The following LOC128462377 variants were observed in gnomAD, a reference collection of about 807,000 sequenced individuals.
At chr16:89,415,414 GC>G in the LOC128462377 span, among the ~76,000 whole-genome samples, 2 of 150,932 alleles carry the variant, frequency 1.3e-5, no homozygotes, top group Non-Finnish European at 2.9e-5. Flanking sequence ...ACAGGCGCCT[GC>G]CACCATGCCC....
the LOC128462377 span, chr16:89,322,953 C>A: frequency 4.0e-6 from 1 of 252,726 alleles, no homozygotes; most frequent in Non-Finnish European, 7.9e-6. Context: ...AAGCTATCCG[C>A]TCACTTGAGC....
the LOC128462377 span, among the ~76,000 whole-genome samples, chr16:89,413,343 G>A: frequency 6.6e-6 from 1 of 152,098 alleles, no homozygotes; most frequent in Non-Finnish European, 1.5e-5. Context: ...AAATGGAAGT[G>A]GACTGGGCGC....
chr16:89,390,277 C>T, the LOC128462377 span, among the ~76,000 whole-genome samples: 2 of 113,392 alleles, frequency 1.8e-5, no homozygotes, highest in African/African-American at 6.3e-5. Flanking sequence ...CGGGGAGCAC[C>T]GAGAGAGAAG....
chr16:89,334,421 G>T, the LOC128462377 span, among the ~76,000 whole-genome samples: 7 of 152,184 alleles, frequency 4.6e-5, no homozygotes, highest in African/African-American at 1.7e-4. Context: ...ACCCCTCCAA[G>T]CCTGCCATTC....
chr16:89,368,308 T>C, the LOC128462377 span, among the ~76,000 whole-genome samples: 1 of 149,284 alleles, frequency 6.7e-6, no homozygotes, highest in East Asian at 2.0e-4. Context: ...GCGATTCTCC[T>C]GCCATAGCCT....
At chr16:89,367,182 T>C in the LOC128462377 span, among the ~76,000 whole-genome samples, 5 of 152,156 alleles carry the variant, frequency 3.3e-5, no homozygotes, top group African/African-American at 9.7e-5. Context: ...GGACAGTCCA[T>C]ACATCCCCCT....
At chr16:89,411,605 G>C in the LOC128462377 span, among the ~76,000 whole-genome samples, 2 of 152,102 alleles carry the variant, frequency 1.3e-5, no homozygotes, top group East Asian at 3.9e-4. Flanking sequence ...GGAGAGATGG[G>C]GTCTTGCCAC....
the LOC128462377 span, among the ~76,000 whole-genome samples, chr16:89,377,987 G>A: frequency 1.2e-4 from 18 of 151,910 alleles, no homozygotes; most frequent in Non-Finnish European, 2.2e-4. Flanking sequence ...TCTTCCTTAT[G>A]ATTTTCTTAA....
At chr16:89,394,702 C>G in the LOC128462377 span, among the ~76,000 whole-genome samples, 2 of 151,696 alleles carry the variant, frequency 1.3e-5, no homozygotes, top group African/African-American at 2.4e-5. Context: ...ATAAAACCTG[C>G]GAAGACTGCT....
chr16:89,366,461 C>G, the LOC128462377 span, among the ~76,000 whole-genome samples: 1 of 152,182 alleles, frequency 6.6e-6, no homozygotes, highest in East Asian at 1.9e-4. Flanking sequence ...TATAAGTGCT[C>G]CCTTTAATCC....
At chr16:89,388,293 A>ATT in the LOC128462377 span, among the ~76,000 whole-genome samples, 317 of 85,272 alleles carry the variant, frequency 3.7e-3, 21 homozygotes, top group African/African-American at 0.012. Flanking sequence ...CATGAGGCTG[A>ATT]TTTTTTTTTT....
chr16:89,414,815 A>C, the LOC128462377 span, among the ~76,000 whole-genome samples: 1 of 152,232 alleles, frequency 6.6e-6, no homozygotes, highest in Non-Finnish European at 1.5e-5. Flanking sequence ...AGAGAAGAGC[A>C]CAGCACCGTG....
chr16:89,409,388 T>A, the LOC128462377 span, among the ~76,000 whole-genome samples: 2 of 152,134 alleles, frequency 1.3e-5, no homozygotes, highest in South Asian at 4.1e-4. Flanking sequence ...GCGGTCCCCA[T>A]CCTCAGGCCA....
At chr16:89,384,876 TTTC>T in the LOC128462377 span, among the ~76,000 whole-genome samples, 482 of 117,846 alleles carry the variant, frequency 4.1e-3, 4 homozygotes, top group African/African-American at 0.014. Flanking sequence ...GAGAAATAGT[TTTC>T]TTTTTTTTTT....
At chr16:89,374,552 T>A in the LOC128462377 span, among the ~76,000 whole-genome samples, 1 of 152,206 alleles carries the variant, frequency 6.6e-6, no homozygotes, top group African/African-American at 2.4e-5. Flanking sequence ...GCTGTGTGTG[T>A]GAGCTACACT....
chr16:89,371,253 C>T, the LOC128462377 span, among the ~76,000 whole-genome samples: 1 of 152,210 alleles, frequency 6.6e-6, no homozygotes, highest in African/African-American at 2.4e-5. Flanking sequence ...AGGCCACCTA[C>T]ACAGAGAGGC....
the LOC128462377 span, among the ~76,000 whole-genome samples, chr16:89,338,819 C>A: frequency 6.7e-6 from 1 of 149,076 alleles, no homozygotes; most frequent in Non-Finnish European, 1.5e-5. Flanking sequence ...TTTAGAAAAT[C>A]AGCCAGGCAA....
the LOC128462377 span, among the ~76,000 whole-genome samples, chr16:89,399,344 C>G: frequency 6.6e-6 from 1 of 152,166 alleles, no homozygotes; most frequent in Non-Finnish European, 1.5e-5. Context: ...CAGAATATTA[C>G]CAGGCCCTGA....
At chr16:89,348,035 T>A in the LOC128462377 span, among the ~76,000 whole-genome samples, 1 of 152,040 alleles carries the variant, frequency 6.6e-6, no homozygotes, top group East Asian at 1.9e-4. Flanking sequence ...CTGGGCTCAA[T>A]GGATCTTCCC....
Sources: allele counts gnomAD v4.1 joint callset (sites outside exome capture counted in the v4.1 genomes callset), GRCh38; gene constraint gnomAD v4.1.1; transcripts MANE v1.5.